SEMA6D: variants seen among roughly 807,000 people sequenced by gnomAD.
SEMA6D encodes the protein semaphorin 6D.
SEMA6D carries 35 observed loss-of-function variants against 106.6 expected under a neutral mutation model. That is an observed-to-expected ratio of 0.33 (90% CI 0.25 to 0.44). The LOEUF (loss-of-function observed/expected upper bound fraction) is 0.44, where lower values mean the gene tolerates loss of function less well. SEMA6D is among the 20% of genes least tolerant of loss of function. The pLI, the probability that SEMA6D is intolerant of heterozygous loss-of-function variation, is 1.00. For missense variants in SEMA6D, 1,185 were observed against 1,345.9 expected (o/e 0.88, Z 1.87); for synonymous variants, 499 against 487.7 (o/e 1.02, Z -0.31).
chr15:47,471,107 G>C (rs982051118), intron 3 of SEMA6D, among the ~76,000 whole-genome samples: 4 of 152,162 alleles, frequency 2.6e-5, no homozygotes, highest in South Asian at 2.1e-4. Context: ...TCTGTGAGTG[G>C]ACATGTGGCT....
At chr15:47,568,193 T>TTAAA (rs1555391890) in intron 3 of SEMA6D, among the ~76,000 whole-genome samples, 2 of 141,162 alleles carry the variant, frequency 1.4e-5, no homozygotes, top group African/African-American at 5.2e-5. Context: ...TTTTGCCATT[T>TTAAA]AAAAAAAAAA....
chr15:47,319,592 G>A (rs1366813883), intron 1 of SEMA6D, among the ~76,000 whole-genome samples: 3 of 152,030 alleles, frequency 2.0e-5, no homozygotes, highest in South Asian at 2.1e-4. Flanking sequence ...GCCAGAGTGT[G>A]CCGGTGTTGG....
chr15:47,742,020 T>G (rs1479547350), intron 1 of SEMA6D, among the ~76,000 whole-genome samples: 3 of 152,072 alleles, frequency 2.0e-5, no homozygotes, highest in African/African-American at 7.2e-5. Flanking sequence ...AATTTGCCAG[T>G]CAGAGGAGCT....
intron 4 of SEMA6D, among the ~76,000 whole-genome samples, chr15:47,620,399 C>T (rs1261247184): frequency 6.6e-6 from 1 of 152,242 alleles, no homozygotes; most frequent in South Asian, 2.1e-4. Context: ...CATGTCAGCA[C>T]TTGGTTCACT....
chr15:47,337,345 G>A (rs536343103), intron 1 of SEMA6D, among the ~76,000 whole-genome samples: 11 of 152,246 alleles, frequency 7.2e-5, no homozygotes, highest in Middle Eastern at 3.4e-3. Context: ...AGAGAACGTT[G>A]ATGGCCATGG....
chr15:47,275,402 A>C (rs1435023278), intron 1 of SEMA6D, among the ~76,000 whole-genome samples: 4 of 151,994 alleles, frequency 2.6e-5, no homozygotes, highest in Admixed American at 1.3e-4. Context: ...ATTGAGGGCA[A>C]CTCTGTGTTG....
chr15:47,371,569 G>A (rs1207645113), intron 1 of SEMA6D, among the ~76,000 whole-genome samples: 1 of 152,142 alleles, frequency 6.6e-6, no homozygotes, highest in Non-Finnish European at 1.5e-5. Context: ...CACTGTTCAT[G>A]TGTAGGAGCC....
intron 4 of SEMA6D, among the ~76,000 whole-genome samples, chr15:47,612,268 C>T (rs2076922170): frequency 6.6e-6 from 1 of 152,140 alleles, no homozygotes; most frequent in Non-Finnish European, 1.5e-5. Flanking sequence ...GTTTGGTGAC[C>T]AACCTAAGGG....
chr15:47,458,635 G>A (rs1365075115), intron 2 of SEMA6D, among the ~76,000 whole-genome samples: 3 of 151,828 alleles, frequency 2.0e-5, no homozygotes, highest in African/African-American at 7.2e-5. Context: ...GAAATCAAAA[G>A]GGAAATCAGA....
chr15:47,555,305 T>G (rs566534616), intron 3 of SEMA6D, among the ~76,000 whole-genome samples: 1 of 152,262 alleles, frequency 6.6e-6, no homozygotes, highest in Admixed American at 6.5e-5. Context: ...TGGTTCTTTT[T>G]CTCATAACGG....
At chr15:47,192,314 T>G (rs1894020328) in intron 1 of SEMA6D, among the ~76,000 whole-genome samples, 1 of 152,168 alleles carries the variant, frequency 6.6e-6, no homozygotes, top group Non-Finnish European at 1.5e-5. Context: ...CTACCTCCTT[T>G]CAAGTTTTCT....
At position 47,771,017 on chromosome 15, in the gene SEMA6D, A is replaced by G; in HGVS notation, c.2454A>G (p.Pro818=). 1.9e-6 allele frequency: 3 copies of G among 1,614,078 alleles called. No individual in the cohort carries two copies. Among genetic ancestry groups the G allele is most frequent in the Non-Finnish European group, 2.5e-6 (3 of 1,179,978 alleles). The change falls in exon 19 of 19, where the codon CCA becomes CCG. Residue 818 remains proline (P), a synonymous_variant. Coordinates refer to ENST00000536845, the MANE Select transcript of SEMA6D (RefSeq NM_001358351.3). ...FFPSSPPPHS[P]LSHGHIPSAI... ...CGTCTAGTCCGCCACCTCATTCCCC[A>G]TTAAGTCATGGGCATATCCCCAGTG...
intron 3 of SEMA6D, among the ~76,000 whole-genome samples, chr15:47,600,046 A>G (rs1596402401): frequency 6.6e-6 from 1 of 152,220 alleles, no homozygotes; most frequent in East Asian, 1.9e-4. Context: ...GGTCAACCAT[A>G]GCATCACTTG....
At chr15:47,287,263 G>A (rs1343527493) in intron 1 of SEMA6D, among the ~76,000 whole-genome samples, 1 of 152,208 alleles carries the variant, frequency 6.6e-6, no homozygotes, top group East Asian at 1.9e-4. Context: ...CATGTAGTAA[G>A]AGCAAGAAAT....
intron 1 of SEMA6D, among the ~76,000 whole-genome samples, chr15:47,346,363 A>G (rs2038044969): frequency 6.6e-6 from 1 of 152,158 alleles, no homozygotes; most frequent in Non-Finnish European, 1.5e-5. Flanking sequence ...TTTTGTCTCC[A>G]TTTGTTCCAT....
At chr15:47,510,954 C>T (rs1050712197) in intron 3 of SEMA6D, among the ~76,000 whole-genome samples, 1 of 152,100 alleles carries the variant, frequency 6.6e-6, no homozygotes, top group Non-Finnish European at 1.5e-5. Context: ...ATATTAATAC[C>T]TTGCTAGAAT....
At chr15:47,677,542 A>T (rs1330766720) in intron 4 of SEMA6D, among the ~76,000 whole-genome samples, 1 of 152,218 alleles carries the variant, frequency 6.6e-6, no homozygotes, top group Non-Finnish European at 1.5e-5. Flanking sequence ...AAGCATGTGG[A>T]ATGGGAGACA....
At chr15:47,291,388 G>C (rs768424957) in intron 1 of SEMA6D, among the ~76,000 whole-genome samples, 5 of 152,152 alleles carry the variant, frequency 3.3e-5, no homozygotes, top group Non-Finnish European at 5.9e-5. Context: ...ACTGTCTCAG[G>C]AAAATGGGGA....
At chr15:47,260,574 G>A (rs1013758335) in intron 1 of SEMA6D, among the ~76,000 whole-genome samples, 1 of 152,116 alleles carries the variant, frequency 6.6e-6, no homozygotes, top group Non-Finnish European at 1.5e-5. Flanking sequence ...TTTCTGTGAT[G>A]TGATAGGATT....
Sources: allele counts gnomAD v4.1 joint callset (sites outside exome capture counted in the v4.1 genomes callset), GRCh38; gene constraint gnomAD v4.1.1; transcripts MANE v1.5; gene names NCBI Gene and HGNC (gene_info 2026-07-23, HGNC 2026-07-21).